NAA16: variants seen among roughly 807,000 people sequenced by gnomAD.
The protein encoded by NAA16 is NARG1-like protein.
NAA16 carries 97 observed loss-of-function variants against 110.3 expected under a neutral mutation model. That is an observed-to-expected ratio of 0.88 (90% confidence interval 0.75 to 1.04). The LOEUF is 1.04. Among genes scored for constraint, NAA16 ranks in the 50% least tolerant of loss-of-function variants. NAA16 has a pLI of 0.00. For missense variants in NAA16, 1,017 were observed against 1,005.1 expected (o/e 1.01, Z -0.16); for synonymous variants, 372 against 330.6 (o/e 1.13, Z -1.36).
intron 8 of NAA16, 114 bp from the exon 9 acceptor site, chr13:41,336,536 A>T: frequency 1.7e-6 from 1 of 600,020 alleles, no homozygotes; most frequent in Non-Finnish European, 2.9e-6. Flanking sequence ...TTTTGGGTTT[A>T]TAAATTGGAT....
At chr13:41,315,739 T>C (rs1391410966) in intron 1 of NAA16, among the ~76,000 whole-genome samples, 1 of 152,122 alleles carries the variant, frequency 6.6e-6, no homozygotes, top group Admixed American at 6.5e-5. Flanking sequence ...TTAGTGCAGT[T>C]TCTGGTATTT....
In NAA16 at chr13:41,318,841, T is replaced by A; in HGVS notation, c.175T>A (p.Leu59Ile). 1.2e-6 allele frequency: 2 copies of A among 1,603,426 alleles called. No individual in the cohort carries two copies. Among genetic ancestry groups the A allele is most frequent in the Non-Finnish European group, 8.5e-7 (1 of 1,175,438 alleles). ...LAMKGLTLNC[L>I]GKKEEAYEFV... ...TATGAAAGGATTAACACTGAACTGT[T>A]TAGGAAAAAAAGAAGAAGCTTATGA... The change falls in exon 3 of 20, where the codon TTA becomes ATA. Residue 59 changes from leucine (L) to isoleucine (I), a missense_variant. By Grantham distance (5) the Leu-to-Ile change is conservative. Coordinates refer to ENST00000379406, the MANE Select transcript of NAA16 (RefSeq NM_024561.5).
chr13:41,369,050 A>C lies in NAA16; in HGVS notation c.1754-40A>C, dbSNP rs201010300. 5.3e-5 allele frequency: 80 copies of C among 1,523,168 alleles called. No individual in the cohort carries two copies. In the African/African-American group the frequency reaches 1.1e-3, roughly 20 times the overall value. 94.4% of individuals were successfully genotyped at this position (1,523,168 alleles called of 1,614,324 possible). On this transcript the variant is annotated intron_variant, in intron 14 of 19. Transcript: ENST00000379406. ...TTACAGAAGAATATGAAGAAAATGC[A>C]AACATTGGCTCAGAATTTTGTTCAT...
At chr13:41,337,934 A>AG (rs34479326) in intron 9 of NAA16, among the ~76,000 whole-genome samples, 94,141 of 151,824 alleles carry the variant, frequency 0.62, 32,290 homozygotes, top group South Asian at 0.76. Context: ...GTACCCAGTT[A>AG]GAAAAAAACA....
intron 3 of NAA16, among the ~76,000 whole-genome samples, chr13:41,319,986 A>G (rs1253699642): frequency 1.3e-5 from 2 of 151,724 alleles, no homozygotes; most frequent in Non-Finnish European, 2.9e-5. Flanking sequence ...GAATAATCTT[A>G]GTAGTGTTTT....
chr13:41,347,904 T>A (rs192813138), intron 9 of NAA16, among the ~76,000 whole-genome samples: 1 of 152,368 alleles, frequency 6.6e-6, no homozygotes, highest in African/African-American at 2.4e-5. Flanking sequence ...GAGTTCTTTG[T>A]CTTGTTCCTG....
At chr13:41,348,278 C>T (rs2042737362) in intron 9 of NAA16, among the ~76,000 whole-genome samples, 1 of 152,182 alleles carries the variant, frequency 6.6e-6, no homozygotes, top group African/African-American at 2.4e-5. Flanking sequence ...AGCTATTCTC[C>T]TGCCTCGGTC....
intron 8 of NAA16, among the ~76,000 whole-genome samples, chr13:41,334,517 A>T (rs995701251): frequency 6.6e-6 from 1 of 152,234 alleles, no homozygotes; most frequent in African/African-American, 2.4e-5. Context: ...TTAGGAATTC[A>T]TGTAAATATG....
rs142942986 is a variant in NAA16 at position 41,353,473 on chromosome 13, A to G, written c.1015-1671A>G. Among the ~76,000 whole-genome samples the G allele has an allele frequency of 8.9e-3, 1,356 of 151,992 alleles. 9 individuals are homozygous for G. Among genetic ancestry groups the G allele is most frequent in the Middle Eastern group, 0.024 (7 of 294 alleles). ...AATTTACAGACGGCTTGTTAAAAAC[A>G]GACTGTACAGGCCAGGCATGGTGGC... On this transcript the variant is annotated intron_variant, in intron 9 of 19. Coordinates refer to ENST00000379406, the MANE Select transcript of NAA16 (RefSeq NM_024561.5).
In NAA16 at chr13:41,311,588, T is replaced by TA. The variant is rs751200814; in HGVS notation, c.54+6_54+7insA. The TA allele has an allele frequency of 1.2e-6, 2 of 1,605,254 alleles. No homozygotes were observed. Among genetic ancestry groups the TA allele is most frequent in the African/African-American group, 2.7e-5 (2 of 74,646 alleles). Reference sequence around the variant, plus strand: ...ACCTCTTCAAACGCATCTTGGTGAGTGGCCGTAGGCCGCGCTGCCGCCCCC... The same window carrying TA: ...ACCTCTTCAAACGCATCTTGGTGAGTAGGCCGTAGGCCGCGCTGCCGCCCCC... On this transcript the variant is annotated splice_region_variant and intron_variant, in intron 1 of 19. Coordinates refer to ENST00000379406, the MANE Select transcript of NAA16 (RefSeq NM_024561.5).
At position 41,320,851 on chromosome 13, in the gene NAA16, T is replaced by C. The variant is rs377141067; in HGVS notation, c.402+27T>C. Reference sequence around the variant, plus strand: ...TAAGTACTTCATTCTTAAATGTACATGATTTTACAGTAGACAAAATTTAAG... The same window carrying C: ...TAAGTACTTCATTCTTAAATGTACACGATTTTACAGTAGACAAAATTTAAG... On this transcript the variant is annotated intron_variant, in intron 4 of 19. Coordinates refer to ENST00000379406, the MANE Select transcript of NAA16 (RefSeq NM_024561.5). 16 of 1,562,162 alleles carry C rather than the reference T, an allele frequency of 1.0e-5. No individual in the cohort carries two copies. The African/African-American group carries it at 1.9e-4, about 19-fold the overall frequency.
chr13:41,368,973 C>A (rs1021795616), intron 14 of NAA16, 117 bp from the exon 15 acceptor site: 1 of 785,384 alleles, frequency 1.3e-6, no homozygotes, highest in Non-Finnish European at 2.0e-6. Context: ...GGGTGGGGGT[C>A]ATGAACCAAT....
chr13:41,374,603 C>G (rs1411562972), intron 18 of NAA16, 139 bp from the exon 19 acceptor site: 1 of 576,286 alleles, frequency 1.7e-6, no homozygotes, highest in Non-Finnish European at 3.1e-6. Flanking sequence ...ACACTTGGCT[C>G]TCTTGAGCTG....
intron 9 of NAA16, among the ~76,000 whole-genome samples, chr13:41,343,787 C>T (rs546032127): frequency 1.1e-4 from 17 of 151,968 alleles, no homozygotes; most frequent in Admixed American, 9.2e-4. Flanking sequence ...GCAGTCTGCC[C>T]GCCTTGGCCT....
intron 12 of NAA16, among the ~76,000 whole-genome samples, chr13:41,359,386 G>A (rs528673456): frequency 6.6e-6 from 1 of 152,202 alleles, no homozygotes; most frequent in East Asian, 1.9e-4. Context: ...TGACATTCAA[G>A]AATTTAAGTT....
chr13:41,334,286 C>T (rs1340924018), intron 8 of NAA16, among the ~76,000 whole-genome samples: 1 of 151,932 alleles, frequency 6.6e-6, no homozygotes, highest in Non-Finnish European at 1.5e-5. Context: ...TTTTCTAACA[C>T]CTGAAAATAT....
At chr13:41,372,040 A>G (rs1468140524) in intron 15 of NAA16, among the ~76,000 whole-genome samples, 163 bp from the exon 16 acceptor site, 1 of 152,124 alleles carries the variant, frequency 6.6e-6, no homozygotes, top group African/African-American at 2.4e-5. Flanking sequence ...TTGATTGTGT[A>G]CTTTGAATTT....
At chr13:41,354,565 A>G (rs898785802) in intron 9 of NAA16, 2 of 152,256 alleles carry the variant, frequency 1.3e-5, no homozygotes, top group Non-Finnish European at 2.9e-5. Flanking sequence ...TTTAAAATAT[A>G]GAACGCTTCA....
intron 14 of NAA16, 144 bp from the exon 15 acceptor site, chr13:41,368,946 A>G (rs150644661): frequency 5.3e-6 from 3 of 562,076 alleles, no homozygotes; most frequent in East Asian, 3.0e-5. Context: ...AGGCTTGAGT[A>G]TCAGTGGACT....
Sources: allele counts gnomAD v4.1 joint callset (sites outside exome capture counted in the v4.1 genomes callset), GRCh38; gene constraint gnomAD v4.1.1; transcripts MANE v1.5; gene names NCBI Gene and HGNC (gene_info 2026-07-23, HGNC 2026-07-21).